The following CCDC171 variants were observed in gnomAD, a reference collection of about 807,000 sequenced individuals.
The protein encoded by CCDC171 is coiled-coil domain containing 171, also known as coiled-coil domain-containing protein 171.
In CCDC171, 177 loss-of-function variants were observed where a neutral mutation model predicts 168.2. The ratio of observed to expected loss-of-function variants is 1.05; its 90% confidence interval spans 0.93 to 1.19. The LOEUF (loss-of-function observed/expected upper bound fraction) is 1.19, where lower values mean the gene tolerates loss of function less well. Among genes scored for constraint, CCDC171 ranks in the 50% most tolerant of loss-of-function variants. The pLI is 0.00. For synonymous variants in CCDC171, 687 were observed against 540.8 expected (o/e 1.27, Z -3.75); for missense variants, 1,991 against 1,539.0 (o/e 1.29, Z -4.91).
intron 3 of CCDC171, among the ~76,000 whole-genome samples, chr9:16,003,409 G>A (rs942895778): frequency 1.4e-4 from 21 of 152,094 alleles, no homozygotes; most frequent in African/African-American, 5.1e-4. Context: ...CAGAGCAAAT[G>A]GAAATTTGCA....
intron 1 of CCDC171, among the ~76,000 whole-genome samples, chr9:16,059,669 C>A (rs1330280519): frequency 6.7e-6 from 1 of 150,262 alleles, no homozygotes; most frequent in African/African-American, 2.5e-5. Context: ...CGCCCGCCAC[C>A]GCGCCCGGCT....
intron 10 of CCDC171, among the ~76,000 whole-genome samples, chr9:15,686,219 G>A (rs1016093120): frequency 6.6e-6 from 1 of 152,082 alleles, no homozygotes; most frequent in Non-Finnish European, 1.5e-5. Context: ...TATTAATGGG[G>A]ACTTCAGTCA....
At chr9:15,982,508 C>T (rs73413913) in intron 3 of CCDC171, among the ~76,000 whole-genome samples, 1 of 152,050 alleles carries the variant, frequency 6.6e-6, no homozygotes, top group African/African-American at 2.4e-5. Context: ...AATCCCACTC[C>T]AAATTACTGG....
chr9:15,618,729 C>G (rs561662135), intron 6 of CCDC171, among the ~76,000 whole-genome samples: 3 of 152,122 alleles, frequency 2.0e-5, no homozygotes, highest in East Asian at 3.9e-4. Flanking sequence ...AGCACAGTCC[C>G]TCCCCACTTC....
intron 21 of CCDC171, among the ~76,000 whole-genome samples, chr9:15,806,675 T>A (rs996605472): frequency 3.3e-5 from 5 of 152,042 alleles, no homozygotes; most frequent in Non-Finnish European, 7.4e-5. Flanking sequence ...TTCATTTCAA[T>A]CTTGGAAAAT....
chr9:15,634,691 A>G (rs2046057117), intron 7 of CCDC171, among the ~76,000 whole-genome samples: 1 of 152,240 alleles, frequency 6.6e-6, no homozygotes, highest in South Asian at 2.1e-4. Flanking sequence ...TTTGAAGTGT[A>G]CAATTCAGTG....
intron 6 of CCDC171, among the ~76,000 whole-genome samples, chr9:15,599,094 C>T (rs568607155): frequency 6.6e-6 from 1 of 152,154 alleles, no homozygotes; most frequent in Admixed American, 6.6e-5. Context: ...GGCCTTGACT[C>T]TTTATCCAAT....
intron 6 of CCDC171, among the ~76,000 whole-genome samples, chr9:15,596,201 A>T (rs2042341705): frequency 6.6e-6 from 1 of 152,108 alleles, no homozygotes; most frequent in Admixed American, 6.6e-5. Flanking sequence ...TTGGTGTTTT[A>T]GACATGAAGT....
the CCDC171 span, among the ~76,000 whole-genome samples, chr9:16,079,121 A>C: frequency 1.3e-5 from 2 of 152,234 alleles, no homozygotes; most frequent in Non-Finnish European, 2.9e-5. Context: ...GAATGGTGGG[A>C]GTCCTGATTT....
At chr9:15,758,328 TG>T (rs568390224) in intron 18 of CCDC171, among the ~76,000 whole-genome samples, 13 of 152,370 alleles carry the variant, frequency 8.5e-5, no homozygotes, top group African/African-American at 3.1e-4. Flanking sequence ...AACGTTTCAC[TG>T]CCCTGCTGGA....
chr9:16,102,790 A>C, the CCDC171 span, among the ~76,000 whole-genome samples: 1 of 152,178 alleles, frequency 6.6e-6, no homozygotes, highest in Admixed American at 6.5e-5. Context: ...CTTAGGTGTC[A>C]GGCAGTCAGC....
chr9:15,609,991 T>G (rs1284682441), intron 6 of CCDC171, among the ~76,000 whole-genome samples: 1 of 152,188 alleles, frequency 6.6e-6, no homozygotes, highest in Non-Finnish European at 1.5e-5. Context: ...TTACTCTTAT[T>G]TTCTGAGAGA....
intron 4 of CCDC171, chr9:16,022,198 T>A (rs1833186218): frequency 6.6e-6 from 1 of 152,178 alleles, no homozygotes; most frequent in Non-Finnish European, 1.5e-5. Flanking sequence ...CGACATTGAA[T>A]CAAGAAAAAT....
intron 5 of CCDC171, 27 bp from the exon 6 acceptor site, chr9:15,594,014 G>T (rs183059289): frequency 6.5e-7 from 1 of 1,531,372 alleles, no homozygotes; most frequent in African/African-American, 1.4e-5. Flanking sequence ...TGATCTAACA[G>T]TAAAGCAAGA....
intron 24 of CCDC171, among the ~76,000 whole-genome samples, chr9:15,912,665 G>C (rs1823876713): frequency 1.3e-5 from 2 of 152,126 alleles, no homozygotes; most frequent in Admixed American, 6.5e-5. Flanking sequence ...TATGATATTG[G>C]CTGTGCGTTT....
At chr9:15,790,537 C>T (rs201038700) in intron 21 of CCDC171, among the ~76,000 whole-genome samples, 5 of 151,974 alleles carry the variant, frequency 3.3e-5, no homozygotes, top group African/African-American at 2.4e-5. Context: ...TTTCTCCCAT[C>T]CTGTAGGTTG....
At chr9:15,713,864 A>G (rs903883467) in intron 11 of CCDC171, among the ~76,000 whole-genome samples, 2 of 151,408 alleles carry the variant, frequency 1.3e-5, no homozygotes, top group African/African-American at 2.4e-5. Flanking sequence ...AGATTTCTAC[A>G]TACTAGATTG....
intron 25 of CCDC171, among the ~76,000 whole-genome samples, chr9:15,925,619 T>C (rs762078916): frequency 6.6e-6 from 1 of 151,576 alleles, no homozygotes; most frequent in Non-Finnish European, 1.5e-5. Flanking sequence ...GAGAAAATGG[T>C]GTGCCTGGGA....
intron 6 of CCDC171, among the ~76,000 whole-genome samples, chr9:15,608,978 G>GGT (rs2043441906): frequency 1.6e-5 from 2 of 124,130 alleles, no homozygotes; most frequent in Admixed American, 8.4e-5. Flanking sequence ...AAAAAGAGTG[G>GGT]TTTTTTTTTA....
Sources: gnomAD v4.1 joint callset for allele counts (sites outside exome capture counted in the v4.1 genomes callset) on GRCh38, gnomAD v4.1.1 for gene constraint, MANE v1.5 for transcripts, NCBI Gene and HGNC (gene_info 2026-07-23, HGNC 2026-07-21) for gene names.